PCDHGA1: variants seen among roughly 807,000 people sequenced by gnomAD.
PCDHGA1 encodes the protein protocadherin gamma-A1.
A neutral mutation model predicts 58.0 loss-of-function variants in PCDHGA1; 32 were observed. That is an observed-to-expected ratio of 0.55 (90% CI 0.42 to 0.74). PCDHGA1 has a LOEUF of 0.74. PCDHGA1 is among the 30% of genes least tolerant of loss of function. The probability of loss-of-function intolerance (pLI) is 0.00; values close to 1 mark genes in which losing one functional copy is unlikely to be tolerated. For missense variants in PCDHGA1, 1,205 were observed against 1,182.3 expected (o/e 1.02, Z -0.28); for synonymous variants, 498 against 501.1 (o/e 0.99, Z 0.08).
At chr5:141,362,379 GC>G (rs776053945) in intron 1 of PCDHGA1, 10 of 1,613,886 alleles carry the variant, frequency 6.2e-6, no homozygotes, top group Non-Finnish European at 2.5e-6. Context: ...AGGGTACATT[GC>G]CCTATTCCTA....
At chr5:141,394,885 T>C (rs769027830) in intron 1 of PCDHGA1, 1 of 1,613,758 alleles carries the variant, frequency 6.2e-7, no homozygotes. Context: ...AGCCTTACAC[T>C]CTATCTCGTG....
chr5:141,463,184 T>A (rs62379194), intron 1 of PCDHGA1, among the ~76,000 whole-genome samples: 5,135 of 152,236 alleles, frequency 0.034, 100 homozygotes, highest in Middle Eastern at 0.088. Context: ...CTCAGATTAT[T>A]ATTTAGCCAA....
chr5:141,438,576 A>C (rs1016175176), intron 1 of PCDHGA1, among the ~76,000 whole-genome samples: 4 of 55,572 alleles, frequency 7.2e-5, no homozygotes, highest in Non-Finnish European at 1.2e-4. Context: ...TCTGATATAC[A>C]TACATACATA....
At chr5:141,389,655 G>A in intron 1 of PCDHGA1, 1 of 1,612,562 alleles carries the variant, frequency 6.2e-7, no homozygotes, top group South Asian at 1.1e-5. Flanking sequence ...CAAGGTAGTG[G>A]CGGTGGACGC....
chr5:141,352,315 G>GT, intron 1 of PCDHGA1: 4 of 1,614,064 alleles, frequency 2.5e-6, no homozygotes, highest in Non-Finnish European at 3.4e-6. Context: ...CGGAACTGCA[G>GT]TTTTACCTGG....
intron 1 of PCDHGA1, chr5:141,423,228 C>T (rs1321708353): frequency 6.2e-7 from 1 of 1,613,748 alleles, no homozygotes; most frequent in Non-Finnish European, 8.5e-7. Flanking sequence ...CTGTGGCCGA[C>T]AGCATCCCCG....
rs192631651 is a variant in PCDHGA1 at position 141,432,052 on chromosome 5, C to T, written c.2422-62755C>T. On this transcript the variant is annotated intron_variant, in intron 1 of 3. Transcript: ENST00000517417. This position sits in a 1 kb window ranked among gnomAD's most constrained non-coding sequence, Gnocchi z 6.0. ...CCGCCACTGACCGGGGAACCCCGCC[C>T]CTATCCACGGAAACTCATATCTCGC... is the stretch of plus-strand genomic sequence containing the variant. The T allele has an allele frequency of 1.2e-6, 2 of 1,614,108 alleles. No individual in the cohort carries two copies. The highest frequency in any genetic ancestry group is 1.3e-5 in the African/African-American group (1 of 74,930).
In PCDHGA1 at chr5:141,385,264, G is replaced by C. The variant is rs879420336; in HGVS notation, c.2421+52159G>C. 3 of 1,613,712 alleles carry C rather than the reference G, an allele frequency of 1.9e-6. No individual in the cohort carries two copies. In the African/African-American group the frequency reaches 4.0e-5, roughly 22 times the overall value. The stretch of plus-strand genomic sequence containing the variant: ...CAGCCAGGAGAGCTGTGAGAAAAAT[G>C]ATTCTTTGCTAACATCCGTAGATTT... On this transcript the variant is annotated intron_variant, in intron 1 of 3. Transcript: ENST00000517417.
intron 1 of PCDHGA1, chr5:141,356,242 A>G: frequency 4.4e-6 from 7 of 1,582,740 alleles, no homozygotes; most frequent in Non-Finnish European, 5.2e-6. Flanking sequence ...ACCAGAAGTC[A>G]CAGTTACATC....
intron 1 of PCDHGA1, chr5:141,418,928 A>C: frequency 1.2e-6 from 2 of 1,613,978 alleles, no homozygotes; most frequent in Non-Finnish European, 1.7e-6. Flanking sequence ...TGATCAGATT[A>C]TGGAGGATTC....
rs143767010 is a variant in PCDHGA1 at position 141,460,190 on chromosome 5, A to G, written c.2422-34617A>G. 3.2e-3 allele frequency among the ~76,000 whole-genome samples: 486 copies of G among 152,218 alleles called. 1 individual carries two copies. Among genetic ancestry groups the G allele is most frequent in the Non-Finnish European group, 4.9e-3 (336 of 68,006 alleles). ...TTTTGTGGATATTTTATCCCAGACTATGACTTGTCTTTTCATTTTCTTAGT... is the reference window on the plus strand; with the variant it reads ...TTTTGTGGATATTTTATCCCAGACTGTGACTTGTCTTTTCATTTTCTTAGT... On this transcript the variant is annotated intron_variant, in intron 1 of 3. Coordinates refer to ENST00000517417, the MANE Select transcript of PCDHGA1 (RefSeq NM_018912.3).
intron 1 of PCDHGA1, chr5:141,428,211 C>T (rs777952475): frequency 2.2e-5 from 28 of 1,284,198 alleles, no homozygotes; most frequent in South Asian, 4.9e-5. Flanking sequence ...CTACGCTTCA[C>T]CTAGTCTTCG....
intron 1 of PCDHGA1, chr5:141,382,606 GA>G: frequency 3.6e-6 from 1 of 276,248 alleles, no homozygotes; most frequent in African/African-American, 2.2e-5. Flanking sequence ...AATTTTCTAT[GA>G]AATCAGTGTA....
intron 1 of PCDHGA1, chr5:141,345,418 C>G (rs374302649): frequency 6.8e-6 from 11 of 1,614,064 alleles, no homozygotes; most frequent in Non-Finnish European, 8.5e-6. Flanking sequence ...GCCTACATTC[C>G]AGAAAACAAC....
intron 1 of PCDHGA1, chr5:141,410,343 G>C: frequency 6.2e-7 from 1 of 1,613,964 alleles, no homozygotes; most frequent in Non-Finnish European, 8.5e-7. Flanking sequence ...ATTGCCTTGC[G>C]CCTGCGACGC....
Position 141,490,845 on chromosome 5 carries a change from G to T in PCDHGA1, c.2422-3962G>T, listed in dbSNP as rs748605746. The T allele has an allele frequency of 1.4e-5, 22 of 1,613,726 alleles. No individual in the cohort carries two copies. The highest frequency in any genetic ancestry group is 1.7e-5 in the Non-Finnish European group (20 of 1,179,894). On this transcript the variant is annotated intron_variant, in intron 1 of 3. Coordinates refer to ENST00000517417, the MANE Select transcript of PCDHGA1 (RefSeq NM_018912.3). This position sits in a 1 kb window ranked among gnomAD's most constrained non-coding sequence, Gnocchi z 5.4. ...TGCAGATGCTGCAGATTGTGGTGGG[G>T]GTTCGAGACTCCGGCTCTCCCCCAT...
intron 1 of PCDHGA1, chr5:141,478,323 G>T (rs1234175290): frequency 1.2e-6 from 2 of 1,613,958 alleles, no homozygotes; most frequent in African/African-American, 2.7e-5. Context: ...TCACTGTACC[G>T]AACACCAGGG....
In PCDHGA1 at chr5:141,476,628, C is replaced by T. The variant is rs899753438; in HGVS notation, c.2422-18179C>T. 6.2e-6 allele frequency: 10 copies of T among 1,614,160 alleles called. No individual in the cohort carries two copies. The highest frequency in any genetic ancestry group is 7.6e-6 in the Non-Finnish European group (9 of 1,180,068). On this transcript the variant is annotated intron_variant, in intron 1 of 3. Coordinates refer to ENST00000517417, the MANE Select transcript of PCDHGA1 (RefSeq NM_018912.3). The surrounding 1 kb of genome is among the most constrained non-coding windows in gnomAD (Gnocchi z 7.6). ...GATGTGGGAAGCAACTCTTTACAAACCTATGAGCTGAGCCGAAATGAATAC... is the reference window on the plus strand; with the variant it reads ...GATGTGGGAAGCAACTCTTTACAAATCTATGAGCTGAGCCGAAATGAATAC...
At chr5:141,413,189 G>C in intron 1 of PCDHGA1, 7 of 1,606,972 alleles carry the variant, frequency 4.4e-6, no homozygotes, top group Non-Finnish European at 6.0e-6. Context: ...GCCGCTCAAA[G>C]GAATCGCTCA....
Sources: gnomAD v4.1 joint callset for allele counts (sites outside exome capture counted in the v4.1 genomes callset) on GRCh38, gnomAD v4.1.1 for gene constraint, Gnocchi (gnomAD v3.1) non-coding constraint, MANE v1.5 for transcripts, NCBI Gene and HGNC (gene_info 2026-07-23, HGNC 2026-07-21) for gene names.